Variants in TMCO4 observed in about 807,000 individuals in gnomAD.
TMCO4 encodes transmembrane and coiled-coil domain-containing protein 4.
In TMCO4, 58 loss-of-function variants were observed where a neutral mutation model predicts 64.7. The observed-to-expected ratio is 0.90, with a 90% CI of 0.73 to 1.12. The LOEUF (loss-of-function observed/expected upper bound fraction) is 1.12, where lower values mean the gene tolerates loss of function less well. Ranked by LOEUF, TMCO4 falls within the 50% of genes most tolerant of loss-of-function variation. The probability of loss-of-function intolerance (pLI) is 0.00; values close to 1 mark genes in which losing one functional copy is unlikely to be tolerated. For missense variants in TMCO4, 780 were observed against 825.9 expected, an observed-to-expected ratio of 0.94 and a Z score of 0.68; for synonymous variants, 325 against 346.1, an observed-to-expected ratio of 0.94 and a Z score of 0.68.
At chr1:19,725,384 G>A (rs1309922938) in intron 13 of TMCO4, among the ~76,000 whole-genome samples, 1 of 152,212 alleles carries the variant, frequency 6.6e-6, no homozygotes, top group Non-Finnish European at 1.5e-5. Flanking sequence ...AGCAGCAATT[G>A]ATTTCCTATG....
chr1:19,759,989 A>G (rs112929487), intron 6 of TMCO4, among the ~76,000 whole-genome samples: 5 of 152,176 alleles, frequency 3.3e-5, no homozygotes, highest in African/African-American at 1.2e-4. Flanking sequence ...AAGCAGCACA[A>G]AAGACCTTTC....
At chr1:19,793,912 C>A (rs1438928784) in intron 2 of TMCO4, among the ~76,000 whole-genome samples, 1 of 152,136 alleles carries the variant, frequency 6.6e-6, no homozygotes, top group East Asian at 1.9e-4. Flanking sequence ...AAGCACAGCA[C>A]CCAGAGAGTG....
chr1:19,761,879 T>C (rs2042520181), intron 6 of TMCO4, among the ~76,000 whole-genome samples: 1 of 152,162 alleles, frequency 6.6e-6, no homozygotes, highest in South Asian at 2.1e-4. Context: ...AGCGTGATGC[T>C]CCTCCTGCCA....
chr1:19,746,560 C>T lies in TMCO4; in HGVS notation c.653G>A (p.Gly218Glu). Residue 218 changes from glycine (G) to glutamate (E), a missense_variant, in exon 9 of 16, where the codon GGA (glycine) becomes GAA (glutamate). Transcript: ENST00000294543. ...GGLAAPLVAAGAATIIGSAGA... is the reference protein window; with the variant it reads ...GGLAAPLVAAEAATIIGSAGA... Reference sequence around the variant, plus strand: ...GGCGCTGCCAATAATCGTCGCTGCTCCAGCGGCAACAAGGGGTGCAGCTAG... The same window carrying T: ...GGCGCTGCCAATAATCGTCGCTGCTTCAGCGGCAACAAGGGGTGCAGCTAG... The T allele has an allele frequency of 1.2e-6, 2 of 1,611,214 alleles. No homozygotes were observed. The highest frequency in any genetic ancestry group is 1.7e-6 in the Non-Finnish European group (2 of 1,178,698).
At chr1:19,746,283 C>T (rs2100880216) in intron 9 of TMCO4, among the ~76,000 whole-genome samples, 173 bp downstream of exon 9, 1 of 152,278 alleles carries the variant, frequency 6.6e-6, no homozygotes, top group Non-Finnish European at 1.5e-5. Flanking sequence ...CAAACTCAGC[C>T]CTTACCCTGA....
intron 2 of TMCO4, among the ~76,000 whole-genome samples, chr1:19,792,033 G>A (rs1291520722): frequency 6.6e-6 from 1 of 152,094 alleles, no homozygotes; most frequent in East Asian, 1.9e-4. Context: ...CACTTCTCTC[G>A]TCTGCCATCA....
chr1:19,751,934 G>T (rs2042038410), intron 7 of TMCO4, among the ~76,000 whole-genome samples: 1 of 151,908 alleles, frequency 6.6e-6, no homozygotes, highest in Non-Finnish European at 1.5e-5. Flanking sequence ...TGTAGTCCCA[G>T]CTACTTGGGA....
chr1:19,704,995 CT>C (rs1236887330), intron 13 of TMCO4, among the ~76,000 whole-genome samples: 1 of 152,184 alleles, frequency 6.6e-6, no homozygotes, highest in Non-Finnish European at 1.5e-5. Context: ...AAGATTTGCT[CT>C]CTTTGTCGCT....
intron 4 of TMCO4, among the ~76,000 whole-genome samples, chr1:19,772,562 CT>C (rs2043033302): frequency 6.6e-6 from 1 of 152,164 alleles, no homozygotes; most frequent in South Asian, 2.1e-4. Context: ...ACAGCCACCT[CT>C]GTGGAGCAGG....
chr1:19,757,070 C>G (rs2042288681), intron 6 of TMCO4, among the ~76,000 whole-genome samples: 1 of 151,166 alleles, frequency 6.6e-6, no homozygotes, highest in African/African-American at 2.4e-5. Context: ...GTGGGCAGAT[C>G]ACTTGAAGCC....
chr1:19,710,584 A>G (rs2095326435), intron 13 of TMCO4, among the ~76,000 whole-genome samples: 1 of 152,206 alleles, frequency 6.6e-6, no homozygotes, highest in Non-Finnish European at 1.5e-5. Flanking sequence ...CTAGCCTCCG[A>G]CACGCCAAGT....
At chr1:19,770,512 C>T in intron 6 of TMCO4, 30 bp downstream of exon 6, 2 of 1,613,558 alleles carry the variant, frequency 1.2e-6, no homozygotes, top group African/African-American at 1.3e-5. Flanking sequence ...TGGGTACCCA[C>T]CATTTACAGA....
At chr1:19,764,395 A>G (rs981269033) in intron 6 of TMCO4, among the ~76,000 whole-genome samples, 2 of 152,258 alleles carry the variant, frequency 1.3e-5, no homozygotes, top group African/African-American at 2.4e-5. Context: ...GTTCCTATAA[A>G]GAAAGCACTT....
At chr1:19,764,729 C>G (rs1557589312) in intron 6 of TMCO4, among the ~76,000 whole-genome samples, 1 of 151,656 alleles carries the variant, frequency 6.6e-6, no homozygotes, top group Non-Finnish European at 1.5e-5. Flanking sequence ...GTGGCACATG[C>G]CTGTAATCCC....
rs1456770943 is a variant in TMCO4 at position 19,743,256 on chromosome 1, C to T, written c.877+2276G>A. On this transcript the variant is annotated intron_variant, in intron 10 of 15. Transcript: ENST00000294543. This position sits in a 1 kb window ranked among gnomAD's most constrained non-coding sequence, Gnocchi z 4.1. ...ATCTGGAAAAGGGGAGTGCGAATGA[C>T]AGCCACTTCCCTGGACTGAAGTGAG... Among the ~76,000 whole-genome samples, 1 of 152,038 alleles carries T rather than the reference C, an allele frequency of 6.6e-6. No individual in the cohort carries two copies. The highest frequency in any genetic ancestry group is 1.5e-5 in the Non-Finnish European group (1 of 68,016).
intron 13 of TMCO4, among the ~76,000 whole-genome samples, chr1:19,703,518 C>T (rs964881702): frequency 2.0e-5 from 3 of 150,556 alleles, no homozygotes; most frequent in African/African-American, 7.3e-5. Flanking sequence ...TTTCTCCCTC[C>T]CTCCTTCTTT....
chr1:19,720,817 G>A (rs1052619700), intron 13 of TMCO4, among the ~76,000 whole-genome samples: 2 of 152,108 alleles, frequency 1.3e-5, no homozygotes, highest in Non-Finnish European at 2.9e-5. Context: ...CAGGTACTGG[G>A]TATGCACTGA....
intron 13 of TMCO4, among the ~76,000 whole-genome samples, chr1:19,705,538 C>CAAA (rs201649957): frequency 1.4e-5 from 2 of 138,746 alleles, no homozygotes; most frequent in African/African-American, 5.3e-5. Flanking sequence ...AAAAGAATTG[C>CAAA]AAAAAAAAAA....
chr1:19,771,196 T>C, intron 5 of TMCO4, 112 bp downstream of exon 5: 1 of 1,119,038 alleles, frequency 8.9e-7, no homozygotes, highest in Non-Finnish European at 1.3e-6. Flanking sequence ...TATGATGACA[T>C]ATTTTATCTT....
Sources: allele counts gnomAD v4.1 joint callset (sites outside exome capture counted in the v4.1 genomes callset), GRCh38; gene constraint gnomAD v4.1.1; non-coding constraint Gnocchi (gnomAD v3.1); transcripts MANE v1.5; gene names NCBI Gene and HGNC (gene_info 2026-07-23, HGNC 2026-07-21).